The following MTCH1 variants were observed in gnomAD, a reference collection of about 807,000 sequenced individuals.
MTCH1 encodes mitochondrial carrier 1.
In MTCH1, 23 loss-of-function variants were observed where a neutral mutation model predicts 49.3. That is an observed-to-expected ratio of 0.47 (90% CI 0.34 to 0.66). The LOEUF (loss-of-function observed/expected upper bound fraction) is 0.66, where lower values mean the gene tolerates loss of function less well. Among genes scored for constraint, MTCH1 ranks in the 30% least tolerant of loss-of-function variants. The pLI is 0.01. For synonymous variants in MTCH1, 229 were observed against 215.2 expected (o/e 1.06, Z -0.56); for missense variants, 397 against 532.1 (o/e 0.75, Z 2.50).
intron 6 of MTCH1, chr6:36,976,423 C>T (rs1054743125): frequency 2.4e-6 from 1 of 422,136 alleles, no homozygotes; most frequent in South Asian, 1.7e-5. Context: ...CAGATCATCC[C>T]AGCCCTGCCA....
In MTCH1 at chr6:36,985,931, A is replaced by G. The variant is rs1218898414; in HGVS notation, c.243T>C (p.Thr81=). ...CGCCCAGTGCCACGAAAAGAGCCTC[A>G]GTGGTCGGGGCGTTGTCCCCAGACC... is the stretch of plus-strand genomic sequence containing the variant. ...GLGSGDNAPT[T]EALFVALGAG... is the part of the protein sequence containing the mutation. The change falls in exon 1 of 12, where the codon ACT becomes ACC. Residue 81 remains threonine, a synonymous_variant. Transcript: ENST00000373627. 6.4e-7 allele frequency: 1 copy of G among 1,553,290 alleles called. No individual in the cohort carries two copies. The highest frequency in any genetic ancestry group is 8.7e-7 in the Non-Finnish European group (1 of 1,148,586).
Position 36,986,182 on chromosome 6 carries a change from G to A in MTCH1, c.-9C>T. 7.0e-7 allele frequency: 1 copy of A among 1,424,680 alleles called. No homozygotes were observed. The highest frequency in any genetic ancestry group is 3.1e-5 in the East Asian group (1 of 32,072). 88.3% of individuals were successfully genotyped at this position (1,424,680 alleles called of 1,614,324 possible). ...GGGTCCGAAGCTCCCATGGCGCCCG[G>A]CGGCGAGGTCACTCCCCGTCACGTG... On this transcript the variant is annotated 5_prime_UTR_variant, in exon 1 of 12. Coordinates refer to ENST00000373627, the MANE Select transcript of MTCH1 (RefSeq NM_001271641.2).
At chr6:36,980,752 A>G (rs16889349) in intron 2 of MTCH1, among the ~76,000 whole-genome samples, 20,467 of 152,270 alleles carry the variant, frequency 0.13, 1,824 homozygotes, top group African/African-American at 0.24. Flanking sequence ...TTTGCCTGCA[A>G]TGGAACTCCA....
chr6:36,969,177 G>A (rs914161228), intron 11 of MTCH1: 1 of 985,434 alleles, frequency 1.0e-6, no homozygotes, highest in Non-Finnish European at 1.2e-6. Flanking sequence ...GCCCAGGGGT[G>A]TCTTTGGGGC....
chr6:36,976,678 C>T (rs1763890072), intron 6 of MTCH1: 1 of 438,998 alleles, frequency 2.3e-6, no homozygotes, highest in Admixed American at 2.5e-5. Context: ...CACATGCCTC[C>T]AAGACCCACC....
At chr6:36,970,262 T>C (rs1583247318) in intron 10 of MTCH1, 144 bp downstream of exon 10, 1 of 1,435,820 alleles carries the variant, frequency 7.0e-7, no homozygotes, top group Non-Finnish European at 9.6e-7. Flanking sequence ...TGCTGGGAAA[T>C]CCCAGCGGAA....
chr6:36,970,376 A>AC (rs1359272481), intron 10 of MTCH1, 30 bp downstream of exon 10: 2 of 1,612,386 alleles, frequency 1.2e-6, no homozygotes, highest in Non-Finnish European at 1.7e-6. Context: ...CTTGGTAGGT[A>AC]GAGTGGCAAG....
chr6:36,984,034 CT>C (rs1764203136), intron 1 of MTCH1, among the ~76,000 whole-genome samples: 3 of 152,238 alleles, frequency 2.0e-5, no homozygotes, highest in African/African-American at 4.8e-5. Flanking sequence ...TTTCAATGTT[CT>C]TTCAAACCAG....
Position 36,986,072 on chromosome 6 carries a change from C to T in MTCH1, c.102G>A (p.Ala34=), listed in dbSNP as rs755733573. 1.4e-6 allele frequency: 2 copies of T among 1,435,366 alleles called. No homozygotes were observed. The highest frequency in any genetic ancestry group is 1.8e-6 in the Non-Finnish European group (2 of 1,105,354). The allele number at this position is 1,435,366 out of a possible 1,614,324, so 88.9% of individuals were successfully genotyped here. A position where few individuals can be genotyped will look rare whatever the true frequency, so the allele number is the denominator to read the frequency against. ...AGAGARGGAA[A]GVEARARDPP... is the part of the protein sequence containing the mutation. ...GATCGCGAGCTCGAGCCTCGACCCCCGCCGCCGCTCCGCCGCGAGCTCCGG... is the reference window on the plus strand; with the variant it reads ...GATCGCGAGCTCGAGCCTCGACCCCTGCCGCCGCTCCGCCGCGAGCTCCGG... Residue 34 remains alanine (A), a synonymous_variant, in exon 1 of 12, where the codon GCG becomes GCA. Coordinates refer to ENST00000373627, the MANE Select transcript of MTCH1 (RefSeq NM_001271641.2).
Position 36,977,094 on chromosome 6 carries a change from C to T in MTCH1, c.701+105G>A. ...AGCCAGGCAGCAGGCTGAACTCACA[C>T]AGCACTAGGGCAGAAAAGGTGCAGC... On this transcript the variant is annotated intron_variant, in intron 6 of 11. Coordinates refer to ENST00000373627, the MANE Select transcript of MTCH1 (RefSeq NM_001271641.2). This position sits in a 1 kb window ranked among gnomAD's most constrained non-coding sequence, Gnocchi z 5.4. The T allele has an allele frequency of 8.2e-7, 1 of 1,213,824 alleles. No homozygotes were observed. Among genetic ancestry groups the T allele is most frequent in the Non-Finnish European group, 1.2e-6 (1 of 824,976 alleles). 75.2% of individuals were successfully genotyped at this position (1,213,824 alleles called of 1,614,324 possible).
At position 36,970,092 on chromosome 6, in the gene MTCH1, A is replaced by G. The variant is rs1187516994; in HGVS notation, c.1045T>C (p.Tyr349His). ...NCGLQAGLPP[Y>H]SPVFKSWIHC... ...ATCCAGGATTTGAACACTGGGGAGT[A>G]AGGGGGGAGCCCAGCTTGCAGCCTG... The change falls in exon 11 of 12, where the codon TAC (tyrosine) becomes CAC (histidine). Residue 349 changes from tyrosine (Y) to histidine (H), a missense_variant. Around this residue, in one of 2 missense-constraint regions of MTCH1, gnomAD observed 252 missense variants for 388.3 expected, o/e 0.65. Transcript: ENST00000373627. 1.9e-6 allele frequency: 3 copies of G among 1,614,162 alleles called. No homozygotes were observed. The highest frequency in any genetic ancestry group is 2.5e-6 in the Non-Finnish European group (3 of 1,179,998).
In MTCH1 at chr6:36,969,027, C is replaced by G. The variant is rs186272703; in HGVS notation, c.1099-53G>C. ...TGAAAGGGAGGCCACGCTTCCTTGTCCCTCCGAGAGGAAGGCCAGTGTCAG... is the reference window on the plus strand; with the variant it reads ...TGAAAGGGAGGCCACGCTTCCTTGTGCCTCCGAGAGGAAGGCCAGTGTCAG... On this transcript the variant is annotated intron_variant, in intron 11 of 11. Coordinates refer to ENST00000373627, the MANE Select transcript of MTCH1 (RefSeq NM_001271641.2). 8.8e-6 allele frequency: 14 copies of G among 1,599,664 alleles called. No individual in the cohort carries two copies. The South Asian group carries it at 1.1e-4, about 13-fold the overall frequency.
rs1763593630 is a variant in MTCH1, at chr6:36,969,461, C to T, written c.1099-487G>A. ...GGAAAAGGCAAGGTTCTGCCCTCGG[C>T]CAAAGCCTGGACCCCTGACTGCTGG... On this transcript the variant is annotated intron_variant, in intron 11 of 11. Transcript: ENST00000373627. 2.8e-6 allele frequency: 3 copies of T among 1,074,176 alleles called. No homozygotes were observed. In the Admixed American group the frequency reaches 1.5e-4, roughly 53 times the overall value. 66.5% of individuals were successfully genotyped at this position (1,074,176 alleles called of 1,614,324 possible). A position where few individuals can be genotyped will look rare whatever the true frequency, so the allele number is the denominator to read the frequency against.
chr6:36,977,578 C>T lies in MTCH1; in HGVS notation c.649+56G>A. ...ACAGTCCACGAGGGGGCGCCCCTCA[C>T]CCCACGCCCCCGACGCCAGCTTAGA... On this transcript the variant is annotated intron_variant, in intron 5 of 11. Transcript: ENST00000373627. This position sits in a 1 kb window ranked among gnomAD's most constrained non-coding sequence, Gnocchi z 5.4. The T allele has an allele frequency of 7.7e-7, 1 of 1,301,382 alleles. No individual in the cohort carries two copies. Among genetic ancestry groups the T allele is most frequent in the South Asian group, 1.3e-5 (1 of 78,186 alleles). 80.6% of individuals were successfully genotyped at this position (1,301,382 alleles called of 1,614,324 possible). A position where few individuals can be genotyped will look rare whatever the true frequency, so the allele number is the denominator to read the frequency against.
In MTCH1 at chr6:36,986,097, G is replaced by A. The variant is rs998357478; in HGVS notation, c.77C>T (p.Ala26Val). The A allele has an allele frequency of 4.2e-6, 6 of 1,435,200 alleles. No individual in the cohort carries two copies. Among genetic ancestry groups the A allele is most frequent in the East Asian group, 3.0e-5 (1 of 32,978 alleles). 88.9% of individuals were successfully genotyped at this position (1,435,200 alleles called of 1,614,324 possible). The change falls in exon 1 of 12, where the codon GCC becomes GTC. Residue 26 changes from alanine to valine, a missense_variant. Ala to Val is a moderately conservative substitution (Grantham distance 64). Around this residue, in one of 2 missense-constraint regions of MTCH1, gnomAD observed 145 missense variants for 143.8 expected, o/e 1.01. Coordinates refer to ENST00000373627, the MANE Select transcript of MTCH1 (RefSeq NM_001271641.2). Reference sequence around the variant, plus strand: ...CGCCGCCGCTCCGCCGCGAGCTCCGGCTCCAGCTCCGGCTCCCGCCATCCC... The same window carrying A: ...CGCCGCCGCTCCGCCGCGAGCTCCGACTCCAGCTCCGGCTCCCGCCATCCC... ...AAGMAGAGAG[A>V]GARGGAAAGV...
intron 7 of MTCH1, among the ~76,000 whole-genome samples, chr6:36,975,116 G>C (rs1191629081): frequency 6.6e-6 from 1 of 152,208 alleles, no homozygotes; most frequent in Non-Finnish European, 1.5e-5. Context: ...CCTGGCCGAT[G>C]GATGCTCTAC....
chr6:36,985,844 G>T lies in MTCH1; in HGVS notation c.321+9C>A. The stretch of plus-strand genomic sequence containing the variant: ...CTCCCATCTCCCTACGGCGCCTCTG[G>T]TCCCCCACCTGGATGAGCAGCTTCA... On this transcript the variant is annotated intron_variant, in intron 1 of 11. Transcript: ENST00000373627. 6.4e-7 allele frequency: 1 copy of T among 1,553,044 alleles called. No individual in the cohort carries two copies. Among genetic ancestry groups the T allele is most frequent in the Non-Finnish European group, 8.7e-7 (1 of 1,148,316 alleles).
chr6:36,977,773 G>T lies in MTCH1; in HGVS notation c.592-82C>A. On this transcript the variant is annotated intron_variant, in intron 4 of 11. Transcript: ENST00000373627. The surrounding 1 kb of genome is among the most constrained non-coding windows in gnomAD (Gnocchi z 5.4). ...CCTCGAGGGGAGCTACAAGTGCTCA[G>T]GAGGGAGAAACCTGTCCCAGGGACT... The T allele has an allele frequency of 7.8e-7, 1 of 1,285,176 alleles. No individual in the cohort carries two copies. The highest frequency in any genetic ancestry group is 1.1e-6 in the Non-Finnish European group (1 of 913,762). The allele number at this position is 1,285,176 out of a possible 1,614,324, so 79.6% of individuals were successfully genotyped here.
At chr6:36,975,620 T>C (rs537820523) in intron 7 of MTCH1, 38 bp downstream of exon 7, 3 of 1,599,996 alleles carry the variant, frequency 1.9e-6, no homozygotes, top group African/African-American at 2.7e-5. Context: ...AGCAGAGCCA[T>C]GCCCGTGGCC....
Sources: gnomAD v4.1 joint callset for allele counts (sites outside exome capture counted in the v4.1 genomes callset) on GRCh38, gnomAD v4.1.1 for gene constraint, gnomAD v4.1.1 regional missense constraint, Gnocchi (gnomAD v3.1) non-coding constraint, MANE v1.5 for transcripts, NCBI Gene and HGNC (gene_info 2026-07-23, HGNC 2026-07-21) for gene names.